The following SORCS1 variants were observed in gnomAD, a reference collection of about 807,000 sequenced individuals.
SORCS1 encodes VPS10 domain-containing receptor SorCS1.
In SORCS1, 60 loss-of-function variants were observed where a neutral mutation model predicts 146.1. The ratio of observed to expected loss-of-function variants is 0.41; its 90% CI spans 0.33 to 0.51. The LOEUF (loss-of-function observed/expected upper bound fraction) is 0.51, where lower values mean the gene tolerates loss of function less well. Among genes scored for constraint, SORCS1 ranks in the 20% least tolerant of loss-of-function variants. SORCS1 has a pLI of 0.21. For synonymous variants in SORCS1, 637 were observed against 584.0 expected (o/e 1.09, Z -1.31); for missense variants, 1,352 against 1,487.6 (o/e 0.91, Z 1.50).
chr10:106,911,940 G>A (rs569434151), intron 2 of SORCS1, among the ~76,000 whole-genome samples: 14 of 151,974 alleles, frequency 9.2e-5, no homozygotes, highest in East Asian at 3.9e-4. Flanking sequence ...GAGAAACCCC[G>A]TCTCTACTAA....
rs181460978 is a variant in SORCS1, at chr10:106,868,447, C to A, written c.627-38774G>T. Among the ~76,000 whole-genome samples the A allele has an allele frequency of 9.7e-4, 147 of 152,184 alleles. 2 individuals carry two copies. Among genetic ancestry groups the A allele is most frequent in the African/African-American group, 3.3e-3 (138 of 41,538 alleles). The stretch of plus-strand genomic sequence containing the variant: ...CTCTAAAATCGACCACATAACTGGA[C>A]ATAAAACAATCCCTGGCAAATGGAA... On this transcript the variant is annotated intron_variant, in intron 2 of 25. Coordinates refer to ENST00000263054, the MANE Select transcript of SORCS1 (RefSeq NM_052918.5).
intron 1 of SORCS1, among the ~76,000 whole-genome samples, chr10:107,068,442 A>C (rs1475062550): frequency 6.6e-6 from 1 of 152,190 alleles, no homozygotes; most frequent in East Asian, 1.9e-4. Context: ...AATCACCAGG[A>C]ACCAGGTACT....
At chr10:107,049,109 C>T (rs931084433) in intron 1 of SORCS1, among the ~76,000 whole-genome samples, 1 of 151,366 alleles carries the variant, frequency 6.6e-6, no homozygotes, top group Admixed American at 6.6e-5. Context: ...AGTTCATGTC[C>T]TTTGTAGGGA....
intron 1 of SORCS1, among the ~76,000 whole-genome samples, chr10:106,994,941 G>T (rs1300319573): frequency 6.6e-6 from 1 of 152,086 alleles, no homozygotes; most frequent in Non-Finnish European, 1.5e-5. Flanking sequence ...TGGAAACCTT[G>T]TCAACAGAAT....
chr10:106,749,078 G>A (rs1467292028), intron 5 of SORCS1, among the ~76,000 whole-genome samples: 1 of 152,164 alleles, frequency 6.6e-6, no homozygotes. Flanking sequence ...CAAAATACCT[G>A]CACAGGTGAC....
At chr10:106,807,706 C>A (rs906057515) in intron 3 of SORCS1, among the ~76,000 whole-genome samples, 6 of 152,232 alleles carry the variant, frequency 3.9e-5, no homozygotes, top group African/African-American at 1.4e-4. Flanking sequence ...AGCCTCTTCC[C>A]ATGCAGTCTT....
chr10:107,029,081 G>A (rs907821987), intron 1 of SORCS1, among the ~76,000 whole-genome samples: 1 of 152,164 alleles, frequency 6.6e-6, no homozygotes, highest in African/African-American at 2.4e-5. Context: ...CTTTGCTTTA[G>A]TGGGAAGATT....
At chr10:107,050,708 C>A (rs959328977) in intron 1 of SORCS1, among the ~76,000 whole-genome samples, 3 of 152,284 alleles carry the variant, frequency 2.0e-5, no homozygotes, top group African/African-American at 7.2e-5. Flanking sequence ...TCCATTCTTA[C>A]AGCACAGAGG....
chr10:106,970,905 ATTTTTTTT>A (rs34657393), intron 1 of SORCS1, among the ~76,000 whole-genome samples: 2 of 96,488 alleles, frequency 2.1e-5, no homozygotes, highest in Non-Finnish European at 4.1e-5. Context: ...TGCACAGCTA[ATTTTTTTT>A]TTTTTTTTTT....
In SORCS1 at chr10:106,744,035, T is replaced by C. The variant is rs189647993; in HGVS notation, c.960-13921A>G. Among the ~76,000 whole-genome samples, 254 of 152,324 alleles carry C rather than the reference T, an allele frequency of 1.7e-3. 1 individual carries two copies. Among genetic ancestry groups the C allele is most frequent in the African/African-American group, 5.3e-3 (219 of 41,584 alleles). On this transcript the variant is annotated intron_variant, in intron 5 of 25. Coordinates refer to ENST00000263054, the MANE Select transcript of SORCS1 (RefSeq NM_052918.5). ...CACTGTTTTGCCAGCCGTACAATAT[T>C]CTATAGTTGACTTAACTAGTTTTCT...
chr10:107,063,004 T>C (rs924190031), intron 1 of SORCS1, among the ~76,000 whole-genome samples: 4 of 152,212 alleles, frequency 2.6e-5, no homozygotes, highest in African/African-American at 7.2e-5. Flanking sequence ...TGACCTTTCC[T>C]TGACTCGTAA....
In SORCS1 at chr10:107,107,163, T is replaced by A. The variant is rs547316499; in HGVS notation, c.558+56806A>T. 5.9e-5 allele frequency among the ~76,000 whole-genome samples: 9 copies of A among 152,266 alleles called. No homozygotes were observed. The East Asian group carries it at 1.4e-3, about 23-fold the overall frequency. ...GGCAATGGGTAGAGGCTAGAAGTGT[T>A]TGGAAGTGCCTGCTAGAAAAAGCCT... On this transcript the variant is annotated intron_variant, in intron 1 of 25. Transcript: ENST00000263054.
At chr10:107,038,537 T>G (rs1024383755) in intron 1 of SORCS1, among the ~76,000 whole-genome samples, 1 of 152,038 alleles carries the variant, frequency 6.6e-6, no homozygotes, top group Admixed American at 6.6e-5. Context: ...ACTTAAAGTA[T>G]AATAAAAGAA....
chr10:106,813,123 CTTTTCT>C (rs1489320777), intron 3 of SORCS1, among the ~76,000 whole-genome samples: 67 of 130,926 alleles, frequency 5.1e-4, no homozygotes, highest in African/African-American at 1.8e-3. Context: ...TTTTTCTTCT[CTTTTCT>C]TTTTTTTTTT....
intron 8 of SORCS1, among the ~76,000 whole-genome samples, chr10:106,705,230 C>A (rs1357273007): frequency 2.6e-5 from 4 of 152,144 alleles, no homozygotes; most frequent in Non-Finnish European, 5.9e-5. Flanking sequence ...ATAACAACCA[C>A]GAACATAGCT....
intron 1 of SORCS1, among the ~76,000 whole-genome samples, chr10:107,111,062 A>C (rs1965663792): frequency 6.6e-6 from 1 of 152,188 alleles, no homozygotes; most frequent in African/African-American, 2.4e-5. Flanking sequence ...TCAGAGTCTC[A>C]ACATGAGGAG....
chr10:106,680,598 A>C (rs1482261059), intron 10 of SORCS1, among the ~76,000 whole-genome samples: 1 of 152,222 alleles, frequency 6.6e-6, no homozygotes, highest in Non-Finnish European at 1.5e-5. Flanking sequence ...AACCTCATTC[A>C]AATTATCTGA....
At chr10:107,034,629 G>A (rs138712327) in intron 1 of SORCS1, among the ~76,000 whole-genome samples, 54 of 118,686 alleles carry the variant, frequency 4.5e-4, no homozygotes, top group African/African-American at 1.6e-3. Flanking sequence ...GCAGTGAGCC[G>A]AGATCCCACC....
intron 1 of SORCS1, among the ~76,000 whole-genome samples, chr10:107,075,782 A>G (rs2134207215): frequency 6.6e-6 from 1 of 152,194 alleles, no homozygotes; most frequent in African/African-American, 2.4e-5. Flanking sequence ...GTTTCCATAC[A>G]AATTACATGG....
Sources: allele counts gnomAD v4.1 joint callset (sites outside exome capture counted in the v4.1 genomes callset), GRCh38; gene constraint gnomAD v4.1.1; transcripts MANE v1.5; gene names NCBI Gene and HGNC (gene_info 2026-07-23, HGNC 2026-07-21).